The following PDIA3 variants were observed in gnomAD, a reference collection of about 807,000 sequenced individuals.
PDIA3 encodes protein disulfide-isomerase A3.
PDIA3 carries 16 observed loss-of-function variants against 56.9 expected under a neutral mutation model. That is an observed-to-expected ratio of 0.28 (90% confidence interval 0.19 to 0.43). PDIA3 has a LOEUF of 0.43. PDIA3 is among the 20% of genes least tolerant of loss of function. The pLI is 1.00. For synonymous variants in PDIA3, 192 were observed against 216.5 expected (o/e 0.89, Z 0.99); for missense variants, 485 against 621.3 (o/e 0.78, Z 2.33).
At chr15:43,767,099 C>A (rs1453439517) in intron 8 of PDIA3, among the ~76,000 whole-genome samples, 189 bp downstream of exon 8, 1 of 152,210 alleles carries the variant, frequency 6.6e-6, no homozygotes, top group African/African-American at 2.4e-5. Context: ...CCTGTAATCC[C>A]AGCACTTTGG....
At chr15:43,762,282 C>T (rs1169845749) in intron 4 of PDIA3, among the ~76,000 whole-genome samples, 2 of 152,090 alleles carry the variant, frequency 1.3e-5, no homozygotes, top group Non-Finnish European at 2.9e-5. Flanking sequence ...GAGGCTGAAG[C>T]GGGCGGATCA....
chr15:43,771,168 A>G lies in PDIA3; in HGVS notation c.1468A>G (p.Ile490Val). 1 of 1,612,740 alleles carries G rather than the reference A, an allele frequency of 6.2e-7. No individual in the cohort carries two copies. The highest frequency in any genetic ancestry group is 1.3e-5 in the African/African-American group (1 of 74,986). Residue 490 changes from isoleucine (I) to valine (V), a missense_variant, in exon 13 of 13, where the codon ATT becomes GTT. By Grantham distance (29) the Ile-to-Val change is conservative (BLOSUM62 3). Coordinates refer to ENST00000300289, the MANE Select transcript of PDIA3 (RefSeq NM_005313.5). ...AAGAGAAGCTACAAACCCCCCTGTA[A>G]TTCAAGAAGAAAAACCCAAGAAGAA... ...LQREATNPPV[I>V]QEEKPKKKKK... is the part of the protein sequence containing the mutation.
At chr15:43,748,746 A>C (rs1204570927) in intron 1 of PDIA3, among the ~76,000 whole-genome samples, 1 of 151,030 alleles carries the variant, frequency 6.6e-6, no homozygotes, top group South Asian at 2.1e-4. Flanking sequence ...ACATTCCACT[A>C]CATTTTTTTT....
chr15:43,754,054 G>A (rs1053073237), intron 2 of PDIA3, 152 bp downstream of exon 2: 9 of 625,308 alleles, frequency 1.4e-5, no homozygotes, highest in African/African-American at 3.7e-5. Context: ...TAAGAAGAGC[G>A]AATACTAGTT....
intron 7 of PDIA3, 97 bp downstream of exon 7, chr15:43,766,109 C>T: frequency 1.9e-6 from 1 of 524,690 alleles, no homozygotes; most frequent in Non-Finnish European, 2.9e-6. Flanking sequence ...ATCTGTAAAA[C>T]AATAAATGGT....
At chr15:43,746,732 G>A (rs1488936414) in intron 1 of PDIA3, 26 bp downstream of exon 1, 1 of 1,611,102 alleles carries the variant, frequency 6.2e-7, no homozygotes, top group South Asian at 1.1e-5. Flanking sequence ...CGAGGCGGGG[G>A]AAGAAAGGCG....
intron 2 of PDIA3, among the ~76,000 whole-genome samples, chr15:43,756,318 T>C (rs941857596): frequency 7.2e-5 from 11 of 152,228 alleles, no homozygotes; most frequent in Admixed American, 1.3e-4. Flanking sequence ...CCACTGTTAA[T>C]AATTTAAGTG....
chr15:43,768,540 T>C lies in PDIA3; in HGVS notation c.1080T>C (p.Asn360=). Residue 360 remains asparagine (N), a synonymous_variant, in exon 9 of 13, where the codon AAT becomes AAC. Transcript: ENST00000300289. ...ERFLQDYFDG[N]LKRYLKSEPI... ...TCCTGCAGGATTACTTTGATGGCAA[T>C]CTGAAGAGATACCTGAAGTCTGAAC... The C allele has an allele frequency of 6.2e-7, 1 of 1,613,978 alleles. No individual in the cohort carries two copies. The highest frequency in any genetic ancestry group is 8.5e-7 in the Non-Finnish European group (1 of 1,179,906).
intron 9 of PDIA3, 72 bp downstream of exon 9, chr15:43,768,669 G>A: frequency 2.0e-6 from 2 of 1,010,966 alleles, no homozygotes; most frequent in Admixed American, 1.9e-5. Flanking sequence ...AAACTGTGGG[G>A]TCTAAATGAA....
In PDIA3 at chr15:43,767,769, C is replaced by CA. The variant is rs11294471; in HGVS notation, c.1029-699dup. On this transcript the variant is annotated intron_variant, in intron 8 of 12. Transcript: ENST00000300289. ...TGGGTGACAGAGCAAGACTCTGTCT[C>CA]AAAAAAAAAAAAAAAAAAAAAGAAA... is the stretch of plus-strand genomic sequence containing the variant. Among the ~76,000 whole-genome samples, 278 of 73,358 alleles carry CA rather than the reference C, an allele frequency of 3.8e-3. 2 individuals are homozygous for CA. The highest frequency in any genetic ancestry group is 9.6e-3 in the East Asian group (25 of 2,594). The allele number at this position is 73,358 out of a possible 152,430, so 48.1% of individuals were successfully genotyped here.
chr15:43,750,885 C>T (rs532704692), intron 1 of PDIA3, among the ~76,000 whole-genome samples: 6 of 152,206 alleles, frequency 3.9e-5, no homozygotes, highest in Admixed American at 2.6e-4. Context: ...GTAATCCCAG[C>T]ACTTTGGGAG....
intron 1 of PDIA3, chr15:43,752,767 T>G (rs2086752799): frequency 2.1e-6 from 1 of 470,652 alleles, no homozygotes. Flanking sequence ...AAGTTTCTTC[T>G]CTATTATATT....
chr15:43,768,461 A>G lies in PDIA3; in HGVS notation c.1029-28A>G, dbSNP rs1211397149. On this transcript the variant is annotated intron_variant, in intron 8 of 12. Transcript: ENST00000300289. ...TTCTCAGCGGTGGGAATAGATTAAC[A>G]AGCCTTACCCTTGTTTTCCAATTGT... is the stretch of plus-strand genomic sequence containing the variant. The G allele has an allele frequency of 3.3e-6, 5 of 1,515,286 alleles. No individual in the cohort carries two copies. In the South Asian group the frequency reaches 3.4e-5, roughly 10 times the overall value. The allele number at this position is 1,515,286 out of a possible 1,614,324, so 93.9% of individuals were successfully genotyped here. A position where few individuals can be genotyped will look rare whatever the true frequency, so the allele number is the denominator to read the frequency against.
At chr15:43,754,453 G>C (rs761226108) in intron 2 of PDIA3, among the ~76,000 whole-genome samples, 8 of 150,652 alleles carry the variant, frequency 5.3e-5, no homozygotes, top group Non-Finnish European at 1.2e-4. Flanking sequence ...GGCATAAGAA[G>C]TAAAATAGAC....
intron 3 of PDIA3, among the ~76,000 whole-genome samples, chr15:43,757,303 A>T (rs900226196): frequency 1.3e-5 from 2 of 152,194 alleles, no homozygotes; most frequent in African/African-American, 4.8e-5. Context: ...TCACGCCTGT[A>T]ATCCCAGCAC....
At chr15:43,761,238 TC>T (rs1449298942) in intron 3 of PDIA3, among the ~76,000 whole-genome samples, 185 bp from the exon 4 acceptor site, 1 of 64,382 alleles carries the variant, frequency 1.6e-5, no homozygotes, top group Non-Finnish European at 3.3e-5. Flanking sequence ...CGAGACTCTG[TC>T]TCAAAAAAAA....
At chr15:43,763,243 T>C (rs771150126) in intron 5 of PDIA3, 37 bp downstream of exon 5, 2 of 1,603,642 alleles carry the variant, frequency 1.2e-6, no homozygotes, top group East Asian at 4.5e-5. Flanking sequence ...CCAAGTATTA[T>C]TGTGTGAACT....
At chr15:43,765,710 AGTAATGTGTGGGT>A in intron 6 of PDIA3, 144 bp downstream of exon 6, 1 of 843,624 alleles carries the variant, frequency 1.2e-6, no homozygotes, top group Non-Finnish European at 1.9e-6. Context: ...ATATTAAAGC[AGTAATGTGTGGGT>A]GTTAGAACTC....
intron 10 of PDIA3, among the ~76,000 whole-genome samples, 187 bp from the exon 11 acceptor site, chr15:43,770,063 T>G (rs1051431486): frequency 4.6e-5 from 7 of 152,218 alleles, no homozygotes; most frequent in African/African-American, 1.4e-4. Context: ...TACTACCATC[T>G]GCAAACCACT....
Sources: allele counts gnomAD v4.1 joint callset (sites outside exome capture counted in the v4.1 genomes callset), GRCh38; gene constraint gnomAD v4.1.1; transcripts MANE v1.5; gene names NCBI Gene and HGNC (gene_info 2026-07-23, HGNC 2026-07-21).